TFCP2L1: variants seen among roughly 807,000 people sequenced by gnomAD.
TFCP2L1 encodes transcription factor CP2-like protein 1.
Under a neutral mutation model 72.2 loss-of-function variants are expected in TFCP2L1, and 12 were observed. The observed-to-expected ratio is 0.17, with a 90% CI of 0.11 to 0.27. The LOEUF (loss-of-function observed/expected upper bound fraction) is 0.27, where lower values mean the gene tolerates loss of function less well. TFCP2L1 is among the 10% of genes least tolerant of loss of function. TFCP2L1 has a pLI of 1.00. For synonymous variants in TFCP2L1, 260 were observed against 251.0 expected, an observed-to-expected ratio of 1.04 and a Z score of -0.34; for missense variants, 488 against 624.6, an observed-to-expected ratio of 0.78 and a Z score of 2.33.
Position 121,219,132 on chromosome 2 carries a change from G to C in TFCP2L1, c.*5209C>G, listed in dbSNP as rs570373144. 1 of 152,436 alleles carries C rather than the reference G, an allele frequency of 6.6e-6. No homozygotes were observed. The highest frequency in any genetic ancestry group is 2.1e-4 in the South Asian group (1 of 4,828). The allele number at this position is 152,436 out of a possible 1,614,324, so 9.4% of individuals were successfully genotyped here. A position where few individuals can be genotyped will look rare whatever the true frequency, so the allele number is the denominator to read the frequency against. On this transcript the variant is annotated 3_prime_UTR_variant, in exon 15 of 15. Coordinates refer to ENST00000263707, the MANE Select transcript of TFCP2L1 (RefSeq NM_014553.3). The stretch of plus-strand genomic sequence containing the variant: ...GCTCTAGAGACCTTGCCCTGCTCTG[G>C]GGGCCTTGCCCAGTGCCACTTACAC...
At chr2:121,268,428 A>G (rs908185232) in intron 2 of TFCP2L1, among the ~76,000 whole-genome samples, 1 of 152,048 alleles carries the variant, frequency 6.6e-6, no homozygotes, top group South Asian at 2.1e-4. Flanking sequence ...ATCTCGGCTC[A>G]CTACAGCCTC....
chr2:121,220,306 A>C lies in TFCP2L1; in HGVS notation c.*4035T>G, dbSNP rs1685907246. On this transcript the variant is annotated 3_prime_UTR_variant, in exon 15 of 15. Coordinates refer to ENST00000263707, the MANE Select transcript of TFCP2L1 (RefSeq NM_014553.3). ...CACCTGACCTTTGTTTAGGACCCCA[A>C]GTCAAAGCCTCGACCTCCCCACCCC... is the stretch of plus-strand genomic sequence containing the variant. The C allele has an allele frequency of 6.6e-6, 1 of 152,236 alleles. No individual in the cohort carries two copies. Among genetic ancestry groups the C allele is most frequent in the South Asian group, 2.1e-4 (1 of 4,834 alleles). The allele number at this position is 152,236 out of a possible 1,614,324, so 9.4% of individuals were successfully genotyped here.
chr2:121,237,550 G>C, intron 10 of TFCP2L1, 73 bp downstream of exon 10: 1 of 1,530,446 alleles, frequency 6.5e-7, no homozygotes, highest in Non-Finnish European at 9.0e-7. Context: ...TGACAGCAAG[G>C]CCTGGAAGGT....
rs997350728 is a variant in TFCP2L1 at position 121,219,529 on chromosome 2, T to C, written c.*4812A>G. ...GACACGATGGACACAATCTGACCCATGTCAAGAAGCATGCCGCCTTGCACT... is the reference window on the plus strand; with the variant it reads ...GACACGATGGACACAATCTGACCCACGTCAAGAAGCATGCCGCCTTGCACT... On this transcript the variant is annotated 3_prime_UTR_variant, in exon 15 of 15. Coordinates refer to ENST00000263707, the MANE Select transcript of TFCP2L1 (RefSeq NM_014553.3). The C allele has an allele frequency of 6.6e-6, 1 of 152,240 alleles. No individual in the cohort carries two copies. Among genetic ancestry groups the C allele is most frequent in the Admixed American group, 6.5e-5 (1 of 15,280 alleles). The allele number at this position is 152,240 out of a possible 1,614,324, so 9.4% of individuals were successfully genotyped here.
At chr2:121,271,214 C>A (rs199871280) in intron 2 of TFCP2L1, among the ~76,000 whole-genome samples, 7,180 of 146,182 alleles carry the variant, frequency 0.049, 263 homozygotes, top group East Asian at 0.19. Context: ...AAAAAAAAAA[C>A]AAAAAAGCAA....
rs1386119772 is a variant in TFCP2L1 at position 121,225,633 on chromosome 2, AC to A, written c.1342-21del. On this transcript the variant is annotated intron_variant, in intron 13 of 14. Transcript: ENST00000263707. ...CACCATCTGAGAGACAAAAGAGAGA[AC>A]ATGTTCCTTCAACCACGAGTTCATC... 1.2e-6 allele frequency: 2 copies of A among 1,613,772 alleles called. No homozygotes were observed. Among genetic ancestry groups the A allele is most frequent in the Non-Finnish European group, 1.7e-6 (2 of 1,179,836 alleles).
rs528944446 is a variant in TFCP2L1, at chr2:121,218,092, G to A, written c.*6249C>T. ...TAATCCAACAGGGATGGAGGTAATG[G>A]AGGTCTGGCTCAGTAGTCAGCAGAC... On this transcript the variant is annotated 3_prime_UTR_variant, in exon 15 of 15. Transcript: ENST00000263707. The A allele has an allele frequency of 3.3e-5, 5 of 152,326 alleles. No homozygotes were observed. The highest frequency in any genetic ancestry group is 1.2e-4 in the African/African-American group (5 of 41,568). 9.4% of individuals were successfully genotyped at this position (152,326 alleles called of 1,614,324 possible). A position where few individuals can be genotyped will look rare whatever the true frequency, so the allele number is the denominator to read the frequency against.
chr2:121,242,566 C>T (rs756326435), intron 6 of TFCP2L1, 97 bp from the exon 7 acceptor site: 52 of 1,169,742 alleles, frequency 4.4e-5, no homozygotes, highest in Non-Finnish European at 5.7e-5. Flanking sequence ...GGCCCCAGGG[C>T]GCAGGGAGGA....
rs369639536 is a variant in TFCP2L1, at chr2:121,232,080, C to T, written c.1199-112G>A. 31 of 1,222,582 alleles carry T rather than the reference C, an allele frequency of 2.5e-5. No homozygotes were observed. In the African/African-American group the frequency reaches 2.6e-4, roughly 10 times the overall value. 75.7% of individuals were successfully genotyped at this position (1,222,582 alleles called of 1,614,324 possible). ...CTTTGTCAAAATGCCACACCCAGGGCGGCGGGGCAGGACCACACTGCCACT... is the reference window on the plus strand; with the variant it reads ...CTTTGTCAAAATGCCACACCCAGGGTGGCGGGGCAGGACCACACTGCCACT... On this transcript the variant is annotated intron_variant, in intron 12 of 14. Coordinates refer to ENST00000263707, the MANE Select transcript of TFCP2L1 (RefSeq NM_014553.3).
intron 7 of TFCP2L1, 62 bp downstream of exon 7, chr2:121,242,297 C>A: frequency 6.9e-7 from 1 of 1,453,528 alleles, no homozygotes. Context: ...GAATCTAAAC[C>A]AGCAGCCCTG....
chr2:121,248,830 TG>T, intron 4 of TFCP2L1, 151 bp downstream of exon 4: 2 of 498,160 alleles, frequency 4.0e-6, no homozygotes, highest in Non-Finnish European at 6.9e-6. Flanking sequence ...ACCCAGTGTA[TG>T]GTCAGCTCTG....
chr2:121,268,330 T>G (rs1277916125), intron 2 of TFCP2L1, among the ~76,000 whole-genome samples: 2 of 152,130 alleles, frequency 1.3e-5, no homozygotes, highest in African/African-American at 4.8e-5. Context: ...TTTTTTTAAG[T>G]TTTGGCCTAT....
intron 7 of TFCP2L1, chr2:121,240,668 A>T (rs1686349753): frequency 1.0e-6 from 1 of 985,280 alleles, no homozygotes; most frequent in Non-Finnish European, 1.2e-6. Context: ...GGCAGTCAGC[A>T]GAGGAGCAGA....
At chr2:121,274,366 G>A (rs764698843) in intron 2 of TFCP2L1, among the ~76,000 whole-genome samples, 12 of 152,228 alleles carry the variant, frequency 7.9e-5, no homozygotes, top group Middle Eastern at 3.4e-3. Context: ...GTCCTGACGT[G>A]ACCCCACATA....
intron 2 of TFCP2L1, among the ~76,000 whole-genome samples, chr2:121,269,497 A>G (rs1369185133): frequency 1.3e-5 from 2 of 152,076 alleles, no homozygotes; most frequent in Non-Finnish European, 2.9e-5. Context: ...GCAGTGGCTC[A>G]TGCGTATAAT....
rs1195223655 is a variant in TFCP2L1 at position 121,220,855 on chromosome 2, T to C, written c.*3486A>G. ...TTTTTTGGTATTTATTATTTTCTAT[T>C]CTTTCATAAGCTATAAGCTTTAACT... On this transcript the variant is annotated 3_prime_UTR_variant, in exon 15 of 15. Transcript: ENST00000263707. 6.6e-6 allele frequency: 1 copy of C among 152,228 alleles called. No homozygotes were observed. The allele number at this position is 152,228 out of a possible 1,614,324, so 9.4% of individuals were successfully genotyped here. A position where few individuals can be genotyped will look rare whatever the true frequency, so the allele number is the denominator to read the frequency against.
At chr2:121,273,842 C>T (rs1687092403) in intron 2 of TFCP2L1, among the ~76,000 whole-genome samples, 1 of 152,152 alleles carries the variant, frequency 6.6e-6, no homozygotes, top group South Asian at 2.1e-4. Context: ...TTTTTAAGAA[C>T]TGTATCTTGG....
At chr2:121,239,798 C>A in intron 7 of TFCP2L1, 149 bp from the exon 8 acceptor site, 1 of 838,384 alleles carries the variant, frequency 1.2e-6, no homozygotes, top group Non-Finnish European at 1.8e-6. Context: ...CCACAGTGAG[C>A]CACGGCAAGG....
intron 12 of TFCP2L1, among the ~76,000 whole-genome samples, chr2:121,232,816 G>A (rs959483864): frequency 1.3e-5 from 2 of 152,116 alleles, no homozygotes; most frequent in Non-Finnish European, 2.9e-5. Context: ...CAGCAAGTGG[G>A]AAGAAAACAG....
Sources: gnomAD v4.1 joint callset for allele counts (sites outside exome capture counted in the v4.1 genomes callset) on GRCh38, gnomAD v4.1.1 for gene constraint, MANE v1.5 for transcripts, NCBI Gene and HGNC (gene_info 2026-07-23, HGNC 2026-07-21) for gene names.